The following BAZ2B variants were observed in gnomAD, a reference collection of about 807,000 sequenced individuals.
BAZ2B encodes the protein bromodomain adjacent to zinc finger domain 2B.
In BAZ2B, 91 loss-of-function variants were observed where a neutral mutation model predicts 246.0. The ratio of observed to expected loss-of-function variants is 0.37; its 90% CI spans 0.31 to 0.44. The LOEUF is 0.44. Ranked by LOEUF, BAZ2B falls within the 20% of genes least tolerant of loss-of-function variation. BAZ2B has a pLI of 1.00. For synonymous variants in BAZ2B, 855 were observed against 860.0 expected (o/e 0.99, Z 0.10); for missense variants, 2,332 against 2,533.7 (o/e 0.92, Z 1.71).
At chr2:159,559,837 A>G (rs2151491778) in intron 1 of BAZ2B, among the ~76,000 whole-genome samples, 1 of 152,344 alleles carries the variant, frequency 6.6e-6, no homozygotes, top group South Asian at 2.1e-4. Flanking sequence ...TATAAAAAGT[A>G]ATGTTACATT....
At chr2:159,613,148 G>C (rs1043777667) in intron 1 of BAZ2B, among the ~76,000 whole-genome samples, 3 of 152,078 alleles carry the variant, frequency 2.0e-5, no homozygotes, top group African/African-American at 7.2e-5. Flanking sequence ...ATAATGTTAT[G>C]TATAAAACTC....
In BAZ2B at chr2:159,442,815, A is replaced by T. The variant is rs2073670370; in HGVS notation, c.697-3603T>A. ...TTGTATAATAATGTCCTCAAGGTTC[A>T]TCCATGCTGTAGCAAATATCAGAAT... On this transcript the variant is annotated intron_variant, in intron 6 of 36. Transcript: ENST00000392783. Among the ~76,000 whole-genome samples the T allele has an allele frequency of 5.3e-5, 8 of 152,330 alleles. No individual in the cohort carries two copies. In the South Asian group the frequency reaches 1.7e-3, roughly 32 times the overall value.
intron 1 of BAZ2B, among the ~76,000 whole-genome samples, chr2:159,583,197 C>T (rs1442456592): frequency 6.6e-6 from 1 of 151,584 alleles, no homozygotes; most frequent in Non-Finnish European, 1.5e-5. Context: ...TCACTGCAAC[C>T]TCTGCCTCCC....
chr2:159,405,151 T>G (rs375765915), intron 14 of BAZ2B, 37 bp from the exon 15 acceptor site: 5 of 1,550,612 alleles, frequency 3.2e-6, no homozygotes, highest in Non-Finnish European at 3.6e-6. Flanking sequence ...ATTAACAACT[T>G]TGTGTAACTA....
chr2:159,374,265 A>G (rs2061178665), intron 26 of BAZ2B, among the ~76,000 whole-genome samples: 1 of 152,088 alleles, frequency 6.6e-6, no homozygotes, highest in Non-Finnish European at 1.5e-5. Flanking sequence ...CAATGCAAAT[A>G]AAACCCACAA....
At chr2:159,494,248 A>G (rs2080827428) in intron 2 of BAZ2B, among the ~76,000 whole-genome samples, 1 of 152,202 alleles carries the variant, frequency 6.6e-6, no homozygotes, top group Non-Finnish European at 1.5e-5. Context: ...CAAGGTCATG[A>G]AATCCACATA....
At chr2:159,661,451 A>T in the BAZ2B span, among the ~76,000 whole-genome samples, 1 of 152,128 alleles carries the variant, frequency 6.6e-6, no homozygotes, top group African/African-American at 2.4e-5. Flanking sequence ...TTCTTGGGCA[A>T]ATTCCCAAGA....
chr2:159,462,047 A>G (rs2076466582), intron 3 of BAZ2B: 1 of 202,814 alleles, frequency 4.9e-6, no homozygotes, highest in Non-Finnish European at 9.9e-6. Flanking sequence ...GTAGAAAGTA[A>G]TGACCATATA....
intron 27 of BAZ2B, among the ~76,000 whole-genome samples, chr2:159,358,281 A>T (rs2059326739): frequency 6.6e-6 from 1 of 152,238 alleles, no homozygotes; most frequent in African/African-American, 2.4e-5. Context: ...TTACCAAGAA[A>T]ATGGAAAGCA....
chr2:159,401,026 G>C (rs1387904872), intron 16 of BAZ2B, among the ~76,000 whole-genome samples: 2 of 151,794 alleles, frequency 1.3e-5, no homozygotes, highest in East Asian at 1.9e-4. Context: ...CTGGGCGACA[G>C]AGCGAGACTC....
intron 2 of BAZ2B, among the ~76,000 whole-genome samples, chr2:159,523,433 C>T (rs1054105923): frequency 6.6e-6 from 1 of 151,486 alleles, no homozygotes; most frequent in Admixed American, 6.6e-5. Context: ...AGGCTGGGCG[C>T]AGTGGCTCAC....
chr2:159,349,535 A>G (rs1282439635), intron 28 of BAZ2B, among the ~76,000 whole-genome samples, 173 bp downstream of exon 28: 1 of 152,242 alleles, frequency 6.6e-6, no homozygotes, highest in Non-Finnish European at 1.5e-5. Flanking sequence ...GACAAAGTCT[A>G]GAAATCAGTA....
chr2:159,596,506 G>GT lies in BAZ2B; in HGVS notation c.-46+19735dup, dbSNP rs543095562. Among the ~76,000 whole-genome samples, 11 of 152,076 alleles carry GT rather than the reference G, an allele frequency of 7.2e-5. No individual in the cohort carries two copies. In the South Asian group the frequency reaches 1.9e-3, roughly 26 times the overall value. On this transcript the variant is annotated intron_variant, in intron 1 of 36. Coordinates refer to ENST00000392783, the MANE Select transcript of BAZ2B (RefSeq NM_013450.4). ...AGAAGCTACCAAACATTTTATTTTT[G>GT]TTTTTTCTCCATTTATTTATTTTTT... is the stretch of plus-strand genomic sequence containing the variant.
chr2:159,594,178 C>T (rs924235061), intron 1 of BAZ2B, among the ~76,000 whole-genome samples: 1 of 152,158 alleles, frequency 6.6e-6, no homozygotes, highest in Non-Finnish European at 1.5e-5. Flanking sequence ...CCGAGGCGGG[C>T]GGCCTACCTT....
intron 6 of BAZ2B, among the ~76,000 whole-genome samples, chr2:159,442,157 TG>T (rs1221023849): frequency 6.6e-6 from 1 of 152,180 alleles, no homozygotes; most frequent in South Asian, 2.1e-4. Context: ...GGTGGGGTTT[TG>T]CTTTACATGT....
intron 20 of BAZ2B, chr2:159,395,496 A>T (rs2063890863): frequency 4.1e-6 from 1 of 242,848 alleles, no homozygotes; most frequent in Admixed American, 5.5e-5. Flanking sequence ...CTGGTGTGAT[A>T]AATAGCTACT....
chr2:159,507,855 A>C (rs982806192), intron 2 of BAZ2B, among the ~76,000 whole-genome samples: 6 of 152,168 alleles, frequency 3.9e-5, no homozygotes, highest in Non-Finnish European at 8.8e-5. Context: ...TTTTGAAATA[A>C]AAATAACAGC....
intron 21 of BAZ2B, 52 bp downstream of exon 21, chr2:159,389,293 A>G: frequency 1.3e-6 from 2 of 1,494,770 alleles, no homozygotes; most frequent in Non-Finnish European, 1.8e-6. Flanking sequence ...AGGTAAGAAA[A>G]CTGGAAAAAT....
At chr2:159,488,363 G>A (rs551586517) in intron 2 of BAZ2B, among the ~76,000 whole-genome samples, 4 of 152,138 alleles carry the variant, frequency 2.6e-5, no homozygotes, top group East Asian at 3.9e-4. Flanking sequence ...GTTAGCTACC[G>A]CACCCACCAA....
Sources: allele counts gnomAD v4.1 joint callset (sites outside exome capture counted in the v4.1 genomes callset), GRCh38; gene constraint gnomAD v4.1.1; transcripts MANE v1.5; gene names NCBI Gene and HGNC (gene_info 2026-07-23, HGNC 2026-07-21).